The following PHACTR2 variants were observed in gnomAD, a reference collection of about 807,000 sequenced individuals.
PHACTR2 encodes chromosome 6 open reading frame 56.
Under a neutral mutation model 76.0 loss-of-function variants are expected in PHACTR2, and 30 were observed. That is an observed-to-expected ratio of 0.39 (90% CI 0.30 to 0.54). PHACTR2 has a LOEUF of 0.54. Ranked by LOEUF, PHACTR2 falls within the 20% of genes least tolerant of loss-of-function variation. The pLI is 0.61. For synonymous variants in PHACTR2, 292 were observed against 292.5 expected, an observed-to-expected ratio of 1.00 and a Z score of 0.02; for missense variants, 696 against 781.1, an observed-to-expected ratio of 0.89 and a Z score of 1.30.
chr6:143,690,060 G>T (rs143628427), intron 1 of PHACTR2, among the ~76,000 whole-genome samples: 1 of 152,200 alleles, frequency 6.6e-6, no homozygotes. Flanking sequence ...AAATGCCAAC[G>T]ATAGCTAAGG....
At chr6:143,566,398 A>G (rs1775363748) in intron 1 of PHACTR2, among the ~76,000 whole-genome samples, 1 of 152,176 alleles carries the variant, frequency 6.6e-6, no homozygotes, top group Admixed American at 6.5e-5. Flanking sequence ...GGCTCAAGCC[A>G]TCCTCCCACC....
In PHACTR2 at chr6:143,680,994, T is replaced by C. The variant is rs1471127038; in HGVS notation, c.46+2785T>C. Reference sequence around the variant, plus strand: ...CTGTATGAATATGCCACATTTTATTTATCCATTTATCAGTTGATGGACATT... The same window carrying C: ...CTGTATGAATATGCCACATTTTATTCATCCATTTATCAGTTGATGGACATT... On this transcript the variant is annotated intron_variant, in intron 1 of 12. Transcript: ENST00000440869. The surrounding 1 kb of genome is among the most constrained non-coding windows in gnomAD (Gnocchi z 4.5). Among the ~76,000 whole-genome samples, 1 of 152,246 alleles carries C rather than the reference T, an allele frequency of 6.6e-6. No individual in the cohort carries two copies. The highest frequency in any genetic ancestry group is 1.5e-5 in the Non-Finnish European group (1 of 68,032).
rs1778898920 is a variant in PHACTR2 at position 143,739,734 on chromosome 6, T to G, written c.215-9251T>G. On this transcript the variant is annotated intron_variant, in intron 2 of 12. Transcript: ENST00000440869. This position sits in a 1 kb window ranked among gnomAD's most constrained non-coding sequence, Gnocchi z 4.3. ...CTGGGATTGAGGACTTGCTCATTGT[T>G]TGAATCTTGGACCTTTATTCCTTCG... Among the ~76,000 whole-genome samples, 1 of 152,192 alleles carries G rather than the reference T, an allele frequency of 6.6e-6. No homozygotes were observed. Among genetic ancestry groups the G allele is most frequent in the South Asian group, 2.1e-4 (1 of 4,838 alleles).
rs868604632 is a variant in PHACTR2, at chr6:143,783,246, C to A, written c.1673C>A (p.Ala558Glu). Reference protein sequence around the residue: ...KQKNEEEEQEAKMELKRRLSR... With the variant: ...KQKNEEEEQEEKMELKRRLSR... ...AAGAATGAAGAAGAGGAACAAGAAG[C>A]AAAAATGGAACTTAAACGCAGACTC... The change falls in exon 10 of 13, where the codon GCA becomes GAA. Residue 558 changes from alanine (A) to glutamate (E), a missense_variant. Physicochemically the swap from Ala to Glu is moderately radical, Grantham distance 107. Coordinates refer to ENST00000440869, the MANE Select transcript of PHACTR2 (RefSeq NM_001100164.2). The surrounding 1 kb of genome is among the most constrained non-coding windows in gnomAD (Gnocchi z 5.2). 1.2e-6 allele frequency: 2 copies of A among 1,608,628 alleles called. No individual in the cohort carries two copies. Among genetic ancestry groups the A allele is most frequent in the Admixed American group, 3.3e-5 (2 of 59,842 alleles).
chr6:143,708,679 C>T lies in PHACTR2; in HGVS notation c.47-3337C>T, dbSNP rs1341630923. Among the ~76,000 whole-genome samples, 1 of 152,164 alleles carries T rather than the reference C, an allele frequency of 6.6e-6. No individual in the cohort carries two copies. The highest frequency in any genetic ancestry group is 1.5e-5 in the Non-Finnish European group (1 of 68,026). On this transcript the variant is annotated intron_variant, in intron 1 of 12. Coordinates refer to ENST00000440869, the MANE Select transcript of PHACTR2 (RefSeq NM_001100164.2). This position sits in a 1 kb window ranked among gnomAD's most constrained non-coding sequence, Gnocchi z 5.5. ...TAAAGAGGAGAGTTAATATTCTGCC[C>T]ATACTACTCAAAAGCAGATGACAGT...
chr6:143,579,839 G>A (rs150279741), intron 1 of PHACTR2, among the ~76,000 whole-genome samples: 40 of 152,270 alleles, frequency 2.6e-4, no homozygotes, highest in African/African-American at 9.6e-4. Flanking sequence ...ACATTTAGCT[G>A]GGCCCTCTGG....
rs1228124563 is a variant in PHACTR2, at chr6:143,776,455, A to T, written c.1590-873A>T. Among the ~76,000 whole-genome samples the T allele has an allele frequency of 6.6e-6, 1 of 152,232 alleles. No individual in the cohort carries two copies. The highest frequency in any genetic ancestry group is 1.5e-5 in the Non-Finnish European group (1 of 68,046). ...TGTTACATAGAAGAAAATACAATGA[A>T]AAAGGGAGATTGCGTTCACGGCATA... On this transcript the variant is annotated intron_variant, in intron 8 of 12. Coordinates refer to ENST00000440869, the MANE Select transcript of PHACTR2 (RefSeq NM_001100164.2). This position sits in a 1 kb window ranked among gnomAD's most constrained non-coding sequence, Gnocchi z 5.3.
rs912668745 is a variant in PHACTR2, at chr6:143,578,432, G to C, written c.217+41225G>C. ...TTTCCCCATAAGAAAGGTTGAGCATGGTAGCCATGGAAGGATGTGTAGGTT... is the reference window on the plus strand; with the variant it reads ...TTTCCCCATAAGAAAGGTTGAGCATCGTAGCCATGGAAGGATGTGTAGGTT... On this transcript the variant is annotated intron_variant, in intron 1 of 11. Coordinates refer to the PHACTR2 transcript ENST00000367584. This position sits in a 1 kb window ranked among gnomAD's most constrained non-coding sequence, Gnocchi z 4.5. 6.6e-6 allele frequency among the ~76,000 whole-genome samples: 1 copy of C among 152,182 alleles called. No individual in the cohort carries two copies. Among genetic ancestry groups the C allele is most frequent in the African/African-American group, 2.4e-5 (1 of 41,430 alleles).
At chr6:143,635,218 T>A (rs1007409481) in intron 1 of PHACTR2, among the ~76,000 whole-genome samples, 2 of 152,212 alleles carry the variant, frequency 1.3e-5, no homozygotes, top group African/African-American at 4.8e-5. Context: ...CCATTGGATA[T>A]CTATCCATAT....
Position 143,581,813 on chromosome 6 carries a change from CA to C in PHACTR2, c.217+44607del, listed in dbSNP as rs372369072. On this transcript the variant is annotated intron_variant, in intron 1 of 11. Coordinates refer to the PHACTR2 transcript ENST00000367584. This position sits in a 1 kb window ranked among gnomAD's most constrained non-coding sequence, Gnocchi z 4.5. ...CGCCACTGCACTCCAGCCTGGGTGA[CA>C]GAGTGAGAACCCTGTTCCCCTCCCC... Among the ~76,000 whole-genome samples the C allele has an allele frequency of 1.5e-4, 23 of 152,202 alleles. No homozygotes were observed. In the East Asian group the frequency reaches 4.5e-3, roughly 29 times the overall value.
rs1204833177 is a variant in PHACTR2, at chr6:143,628,922, GAGATATATATATATATATATAT to G, written c.13+20602_13+20623del. Reference sequence around the variant, plus strand: ...AAAGAAGATGAATGTTTAAATGCAGGAGATATATATATATATATATATATATATATATATATATATATATATA... The same window carrying G: ...AAAGAAGATGAATGTTTAAATGCAGGATATATATATATATATATATATATA... On this transcript the variant is annotated intron_variant, in intron 1 of 11. Transcript: ENST00000305766. 3.8e-3 allele frequency among the ~76,000 whole-genome samples: 394 copies of G among 104,488 alleles called. 7 individuals carry two copies. Among genetic ancestry groups the G allele is most frequent in the African/African-American group, 0.011 (290 of 25,606 alleles). The allele number at this position is 104,488 out of a possible 152,430, so 68.5% of individuals were successfully genotyped here.
chr6:143,769,080 A>C (rs1458608615), intron 6 of PHACTR2, among the ~76,000 whole-genome samples: 1 of 152,192 alleles, frequency 6.6e-6, no homozygotes, highest in Non-Finnish European at 1.5e-5. Flanking sequence ...TTGTCATTTT[A>C]TGAAGAGACT....
At position 143,809,608 on chromosome 6, in the gene PHACTR2, A is replaced by G. The variant is rs572484692; in HGVS notation, c.1922+2475A>G. On this transcript the variant is annotated intron_variant, in intron 12 of 12. Coordinates refer to ENST00000440869, the MANE Select transcript of PHACTR2 (RefSeq NM_001100164.2). This position sits in a 1 kb window ranked among gnomAD's most constrained non-coding sequence, Gnocchi z 4.2. ...TATTAAGTATAAATGAAAAACCTTC[A>G]CTCCTTTCCCAACCTCATTTCTGTT... Among the ~76,000 whole-genome samples, 31 of 151,908 alleles carry G rather than the reference A, an allele frequency of 2.0e-4. No homozygotes were observed. The South Asian group carries it at 6.2e-3, about 31-fold the overall frequency.
intron 1 of PHACTR2, among the ~76,000 whole-genome samples, chr6:143,559,104 G>A (rs768142810): frequency 2.6e-5 from 4 of 152,178 alleles, no homozygotes; most frequent in Admixed American, 6.5e-5. Flanking sequence ...TTCAATGGTC[G>A]TGAAGATTTC....
At chr6:143,813,349 G>A (rs1261747230) in intron 12 of PHACTR2, among the ~76,000 whole-genome samples, 1 of 152,156 alleles carries the variant, frequency 6.6e-6, no homozygotes, top group African/African-American at 2.4e-5. Context: ...GCCGGGTGCG[G>A]TGGCTCACGC....
At chr6:143,771,180 A>ATATG (rs1562300780) in intron 6 of PHACTR2, among the ~76,000 whole-genome samples, 22 of 50,950 alleles carry the variant, frequency 4.3e-4, no homozygotes, top group African/African-American at 2.7e-3. Flanking sequence ...ATATGTATAT[A>ATATG]TATATATATG....
chr6:143,803,170 G>T lies in PHACTR2; in HGVS notation c.1846-3887G>T, dbSNP rs755981723. On this transcript the variant is annotated intron_variant, in intron 11 of 12. Coordinates refer to ENST00000440869, the MANE Select transcript of PHACTR2 (RefSeq NM_001100164.2). The surrounding 1 kb of genome is among the most constrained non-coding windows in gnomAD (Gnocchi z 4.7). ...CCCTCATCCTGTTTAGAGAAAGAAA[G>T]TGCACCTCGCTGCCAGTGCTGATTT... Among the ~76,000 whole-genome samples the T allele has an allele frequency of 1.3e-5, 2 of 152,190 alleles. No homozygotes were observed. Among genetic ancestry groups the T allele is most frequent in the Non-Finnish European group, 2.9e-5 (2 of 68,036 alleles).
chr6:143,697,837 A>G lies in PHACTR2; in HGVS notation c.47-14179A>G, dbSNP rs1279514053. On this transcript the variant is annotated intron_variant, in intron 1 of 12. Coordinates refer to ENST00000440869, the MANE Select transcript of PHACTR2 (RefSeq NM_001100164.2). The surrounding 1 kb of genome is among the most constrained non-coding windows in gnomAD (Gnocchi z 4.4). ...TTAGGGACCTTTTTGTGGCCTAAGT[A>G]CAGTATAGGGGCACCACCAGGAATA... 6.6e-6 allele frequency among the ~76,000 whole-genome samples: 1 copy of G among 151,696 alleles called. No individual in the cohort carries two copies. The highest frequency in any genetic ancestry group is 1.5e-5 in the Non-Finnish European group (1 of 68,034).
rs559543296 is a variant in PHACTR2, at chr6:143,819,853, T to C, written c.1923-3821T>C. On this transcript the variant is annotated intron_variant, in intron 12 of 12. Transcript: ENST00000440869. This position sits in a 1 kb window ranked among gnomAD's most constrained non-coding sequence, Gnocchi z 5.0. The stretch of plus-strand genomic sequence containing the variant: ...ACTGTATTAGGCCATTCTTGACTGC[T>C]ATAAAGAAATACCTGAGACTAGGTA... Among the ~76,000 whole-genome samples, 3 of 152,266 alleles carry C rather than the reference T, an allele frequency of 2.0e-5. No individual in the cohort carries two copies. In the South Asian group the frequency reaches 6.2e-4, roughly 32 times the overall value.
Sources: allele counts gnomAD v4.1 joint callset (sites outside exome capture counted in the v4.1 genomes callset), GRCh38; gene constraint gnomAD v4.1.1; non-coding constraint Gnocchi (gnomAD v3.1); transcripts MANE v1.5; gene names NCBI Gene and HGNC (gene_info 2026-07-23, HGNC 2026-07-21).